The following STAG1 variants were observed in gnomAD, a reference collection of about 807,000 sequenced individuals.
STAG1 encodes the protein STAG1 cohesin complex component, also known as cohesin subunit SA-1.
Under a neutral mutation model 170.9 loss-of-function variants are expected in STAG1, and 26 were observed. That is an observed-to-expected ratio of 0.15 (90% confidence interval 0.11 to 0.21). STAG1 has a LOEUF of 0.21. STAG1 is among the 10% of genes least tolerant of loss of function. STAG1 has a pLI of 1.00. For synonymous variants in STAG1, 514 were observed against 497.7 expected (o/e 1.03, Z -0.44); for missense variants, 964 against 1,509.5 (o/e 0.64, Z 5.99).
intron 5 of STAG1, 73 bp downstream of exon 5, chr3:136,568,692 T>G: frequency 1.1e-6 from 1 of 945,054 alleles, no homozygotes; most frequent in South Asian, 1.4e-5. Context: ...ATACGACTAG[T>G]GGCAGGTGAA....
intron 5 of STAG1, among the ~76,000 whole-genome samples, chr3:136,556,261 G>A (rs1204739521): frequency 6.6e-6 from 1 of 152,106 alleles, no homozygotes; most frequent in Non-Finnish European, 1.5e-5. Flanking sequence ...ACTTGGCAGA[G>A]GGGATGAATA....
At chr3:136,531,907 TAAA>T (rs58322006) in intron 6 of STAG1, among the ~76,000 whole-genome samples, 11 of 90,348 alleles carry the variant, frequency 1.2e-4, no homozygotes, top group African/African-American at 3.1e-4. Flanking sequence ...ACTTAAAGTA[TAAA>T]AAAAAAAAAA....
intron 20 of STAG1, among the ~76,000 whole-genome samples, chr3:136,418,360 C>CAAAAAAAAAAAAAAA (rs767401141): frequency 1.2e-4 from 6 of 49,760 alleles, no homozygotes; most frequent in African/African-American, 4.3e-4. Context: ...ACTCTGTCTC[C>CAAAAAAAAAAAAAAA]AAAAAAAAAA....
At chr3:136,382,382 G>A (rs1938015884) in intron 22 of STAG1, among the ~76,000 whole-genome samples, 1 of 151,012 alleles carries the variant, frequency 6.6e-6, no homozygotes, top group African/African-American at 2.4e-5. Flanking sequence ...CACTGGAAAT[G>A]TGAAACAACC....
At chr3:136,465,068 T>C in intron 12 of STAG1, 80 bp from the exon 13 acceptor site, 1 of 1,057,634 alleles carries the variant, frequency 9.5e-7, no homozygotes, top group Non-Finnish European at 1.3e-6. Context: ...TTGCTAAAGT[T>C]CATTATAAAG....
chr3:136,371,957 T>TA (rs1212877951), intron 23 of STAG1, among the ~76,000 whole-genome samples: 1 of 152,222 alleles, frequency 6.6e-6, no homozygotes, highest in Non-Finnish European at 1.5e-5. Context: ...AGTACGGCCA[T>TA]TTTCACGATA....
intron 5 of STAG1, among the ~76,000 whole-genome samples, chr3:136,550,229 C>T (rs553549749): frequency 1.3e-5 from 2 of 151,788 alleles, no homozygotes; most frequent in Non-Finnish European, 2.9e-5. Context: ...AAATGTTTGG[C>T]GAAAGTCACC....
At chr3:136,397,661 T>C (rs1325438692) in intron 22 of STAG1, among the ~76,000 whole-genome samples, 1 of 152,080 alleles carries the variant, frequency 6.6e-6, no homozygotes, top group Non-Finnish European at 1.5e-5. Flanking sequence ...AGCAGGTCAT[T>C]AGGATCCCAA....
intron 15 of STAG1, among the ~76,000 whole-genome samples, chr3:136,441,724 C>T (rs1701833053): frequency 1.3e-5 from 2 of 152,022 alleles, no homozygotes; most frequent in African/African-American, 4.8e-5. Context: ...AAAGGATGAA[C>T]CACACAGGAG....
intron 1 of STAG1, among the ~76,000 whole-genome samples, chr3:136,679,590 G>A (rs916426412): frequency 2.6e-5 from 4 of 152,026 alleles, no homozygotes; most frequent in Admixed American, 6.6e-5. Context: ...TTAGCCGGGC[G>A]CGGTGGTGGG....
Position 136,716,473 on chromosome 3 carries a change from A to G in STAG1, c.-84+35722T>C, listed in dbSNP as rs546075929. ...GCAAAACTCCATCTCAAAAAAGAAAAAAAAAGAAAAAAAGAACTACATTCC... is the reference window on the plus strand; with the variant it reads ...GCAAAACTCCATCTCAAAAAAGAAAGAAAAAGAAAAAAAGAACTACATTCC... On this transcript the variant is annotated intron_variant, in intron 1 of 33. Transcript: ENST00000383202. Among the ~76,000 whole-genome samples, 9 of 152,088 alleles carry G rather than the reference A, an allele frequency of 5.9e-5. No individual in the cohort carries two copies. In the South Asian group the frequency reaches 1.0e-3, roughly 18 times the overall value.
intron 15 of STAG1, among the ~76,000 whole-genome samples, chr3:136,435,862 G>A (rs961374578): frequency 4.0e-5 from 6 of 151,832 alleles, no homozygotes; most frequent in African/African-American, 1.5e-4. Flanking sequence ...TAGAGACGGG[G>A]TTTCACCATC....
At chr3:136,406,378 G>C (rs537331228) in intron 21 of STAG1, among the ~76,000 whole-genome samples, 1 of 152,190 alleles carries the variant, frequency 6.6e-6, no homozygotes, top group Admixed American at 6.6e-5. Context: ...ACAAATCACT[G>C]ATGTCCAGGA....
At chr3:136,506,987 T>C (rs1933801293) in intron 7 of STAG1, among the ~76,000 whole-genome samples, 1 of 152,200 alleles carries the variant, frequency 6.6e-6, no homozygotes, top group Non-Finnish European at 1.5e-5. Context: ...GAATGTATTA[T>C]TTATTTTTAC....
intron 21 of STAG1, among the ~76,000 whole-genome samples, chr3:136,401,894 G>A (rs2087337078): frequency 6.6e-6 from 1 of 152,032 alleles, no homozygotes; most frequent in Non-Finnish European, 1.5e-5. Context: ...ACAGGCACGT[G>A]CCACCACGCC....
intron 13 of STAG1, among the ~76,000 whole-genome samples, chr3:136,460,798 G>C (rs536062457): frequency 6.6e-6 from 1 of 151,800 alleles, no homozygotes. Context: ...TTGAAGATAA[G>C]GGAATACCTC....
chr3:136,525,748 C>T (rs1934981115), intron 6 of STAG1, among the ~76,000 whole-genome samples: 1 of 152,202 alleles, frequency 6.6e-6, no homozygotes, highest in South Asian at 2.1e-4. Context: ...TATAAATTTC[C>T]CTCTACACAC....
intron 27 of STAG1, among the ~76,000 whole-genome samples, chr3:136,358,210 G>A (rs1012457211): frequency 6.6e-6 from 1 of 151,400 alleles, no homozygotes. Flanking sequence ...TCAGCCTCCC[G>A]AGTAGCTGGG....
intron 4 of STAG1, among the ~76,000 whole-genome samples, chr3:136,570,131 A>T (rs1576618576): frequency 6.6e-6 from 1 of 152,190 alleles, no homozygotes; most frequent in Admixed American, 6.5e-5. Context: ...AAATACATAC[A>T]CCTGTGTAAC....
Sources: allele counts gnomAD v4.1 joint callset (sites outside exome capture counted in the v4.1 genomes callset), GRCh38; gene constraint gnomAD v4.1.1; transcripts MANE v1.5; gene names NCBI Gene and HGNC (gene_info 2026-07-23, HGNC 2026-07-21).